TASP1: variants seen among roughly 807,000 people sequenced by gnomAD.
TASP1 encodes threonine aspartase 1.
In TASP1, 16 loss-of-function variants were observed where a neutral mutation model predicts 56.6. The observed-to-expected ratio is 0.28, with a 90% CI of 0.19 to 0.43. TASP1 has a LOEUF of 0.43. Among genes scored for constraint, TASP1 ranks in the 20% least tolerant of loss-of-function variants. The pLI, the probability that TASP1 is intolerant of heterozygous loss-of-function variation, is 1.00. For synonymous variants in TASP1, 179 were observed against 184.2 expected (o/e 0.97, Z 0.23); for missense variants, 393 against 511.6 (o/e 0.77, Z 2.24).
the TASP1 span, among the ~76,000 whole-genome samples, chr20:13,142,449 A>T: frequency 2.0e-5 from 3 of 152,170 alleles, no homozygotes; most frequent in Non-Finnish European, 4.4e-5. Context: ...GTAAAGGGGA[A>T]CTGGTATTCC....
chr20:13,343,598 C>T, the TASP1 span, among the ~76,000 whole-genome samples: 3 of 150,730 alleles, frequency 2.0e-5, no homozygotes, highest in South Asian at 6.4e-4. Context: ...GCCCCCGCCC[C>T]CACTGTGGTT....
the TASP1 span, among the ~76,000 whole-genome samples, chr20:13,376,233 A>G: frequency 2.6e-5 from 4 of 152,162 alleles, no homozygotes; most frequent in African/African-American, 9.7e-5. Context: ...TGTATAATCC[A>G]TCTTGAGTTA....
At chr20:13,158,116 CT>C in the TASP1 span, among the ~76,000 whole-genome samples, 1 of 152,080 alleles carries the variant, frequency 6.6e-6, no homozygotes, top group Non-Finnish European at 1.5e-5. Flanking sequence ...ATTTTTTCCC[CT>C]GTTCATGTAA....
At chr20:13,141,577 A>C in the TASP1 span, among the ~76,000 whole-genome samples, 30 of 152,192 alleles carry the variant, frequency 2.0e-4, no homozygotes, top group African/African-American at 7.2e-4. Context: ...TCTACAAAAA[A>C]TTCCGCCCAA....
intron 8 of TASP1, among the ~76,000 whole-genome samples, chr20:13,544,630 C>T (rs770846554): frequency 1.4e-4 from 21 of 152,202 alleles, no homozygotes; most frequent in Admixed American, 3.9e-4. Flanking sequence ...TAAGACCTTG[C>T]TAATTATTAA....
At position 13,521,438 on chromosome 20, in the gene TASP1, G is replaced by A. The variant is rs894945547; in HGVS notation, c.874+6995C>T. Among the ~76,000 whole-genome samples the A allele has an allele frequency of 4.2e-3, 633 of 152,234 alleles. 3 individuals are homozygous for A. Among genetic ancestry groups the A allele is most frequent in the Non-Finnish European group, 4.1e-3 (280 of 68,018 alleles). ...GCACATATACACCATGGAATACTAT[G>A]CAGCCATAAAAAAGGATGAGTTCAT... On this transcript the variant is annotated intron_variant, in intron 10 of 13. Transcript: ENST00000337743.
At chr20:13,638,526 A>G (rs1018503766) in intron 1 of TASP1, among the ~76,000 whole-genome samples, 15 of 152,092 alleles carry the variant, frequency 9.9e-5, no homozygotes, top group Admixed American at 2.0e-4. Context: ...CACCCAGGAC[A>G]AGGCGCACAT....
intron 13 of TASP1, among the ~76,000 whole-genome samples, chr20:13,402,888 A>G (rs968002488): frequency 1.3e-5 from 2 of 152,236 alleles, no homozygotes; most frequent in Admixed American, 1.3e-4. Context: ...CCTGTAATCA[A>G]GGTTCACACA....
the TASP1 span, among the ~76,000 whole-genome samples, chr20:13,306,715 C>T: frequency 7.6e-4 from 115 of 152,046 alleles, no homozygotes; most frequent in African/African-American, 2.6e-3. Context: ...AGACTCATAC[C>T]ACTGACTTGA....
the TASP1 span, among the ~76,000 whole-genome samples, chr20:13,247,791 A>AAGGTCAGTGAAGT: frequency 6.6e-6 from 1 of 152,140 alleles, no homozygotes; most frequent in Admixed American, 6.5e-5. Flanking sequence ...GTATTGACAT[A>AAGGTCAGTGAAGT]AGGTAGTGAA....
chr20:13,235,399 G>A, the TASP1 span, among the ~76,000 whole-genome samples: 1 of 152,196 alleles, frequency 6.6e-6, no homozygotes, highest in Non-Finnish European at 1.5e-5. Flanking sequence ...CCTCAGTTAA[G>A]TCTCTGCCCC....
At position 13,421,098 on chromosome 20, in the gene TASP1, C is replaced by T. The variant is rs1270109808; in HGVS notation, c.1097-3577G>A. On this transcript the variant is annotated intron_variant, in intron 12 of 13. Coordinates refer to ENST00000337743, the MANE Select transcript of TASP1 (RefSeq NM_017714.3). ...TTGACTAGTTAAAAAGTATTTATAGCGTTTTCCTTCTTTTTTTTTTTTTTT... is the reference window on the plus strand; with the variant it reads ...TTGACTAGTTAAAAAGTATTTATAGTGTTTTCCTTCTTTTTTTTTTTTTTT... 5.5e-5 allele frequency among the ~76,000 whole-genome samples: 8 copies of T among 144,564 alleles called. No individual in the cohort carries two copies. In the South Asian group the frequency reaches 1.1e-3, roughly 20 times the overall value. The allele number at this position is 144,564 out of a possible 152,430, so 94.8% of individuals were successfully genotyped here.
chr20:13,471,455 C>T (rs2044488055), intron 11 of TASP1, among the ~76,000 whole-genome samples: 1 of 152,038 alleles, frequency 6.6e-6, no homozygotes, highest in Admixed American at 6.5e-5. Context: ...GCATGTAATT[C>T]CATGTCCTTC....
In TASP1 at chr20:13,441,575, G is replaced by A. The variant is rs961228981; in HGVS notation, c.986-6421C>T. Among the ~76,000 whole-genome samples the A allele has an allele frequency of 2.0e-5, 3 of 152,322 alleles. No individual in the cohort carries two copies. The South Asian group carries it at 6.2e-4, about 32-fold the overall frequency. Reference sequence around the variant, plus strand: ...AGCAAATGCAGAGACTCTGAGGTGAGGGAGGGTCAGGGAAGAGAGGATAGA... The same window carrying A: ...AGCAAATGCAGAGACTCTGAGGTGAAGGAGGGTCAGGGAAGAGAGGATAGA... On this transcript the variant is annotated intron_variant, in intron 11 of 13. Coordinates refer to ENST00000337743, the MANE Select transcript of TASP1 (RefSeq NM_017714.3).
At chr20:13,148,179 A>G in the TASP1 span, among the ~76,000 whole-genome samples, 1 of 152,164 alleles carries the variant, frequency 6.6e-6, no homozygotes, top group Non-Finnish European at 1.5e-5. Context: ...GCCACTGATC[A>G]TTGTTTTTAT....
chr20:13,553,038 C>T (rs1022981418), intron 8 of TASP1, among the ~76,000 whole-genome samples: 2 of 152,104 alleles, frequency 1.3e-5, no homozygotes, highest in African/African-American at 4.8e-5. Flanking sequence ...TGGGCTCAAG[C>T]TATCCTCCCA....
chr20:13,514,291 GAACCAGTAA>G (rs1385328487), intron 10 of TASP1, among the ~76,000 whole-genome samples: 1 of 151,998 alleles, frequency 6.6e-6, no homozygotes, highest in Non-Finnish European at 1.5e-5. Flanking sequence ...AAATTTTGAA[GAACCAGTAA>G]AACATTCTAG....
intron 4 of TASP1, among the ~76,000 whole-genome samples, chr20:13,591,665 T>G (rs1243945953): frequency 6.6e-6 from 1 of 152,162 alleles, no homozygotes; most frequent in African/African-American, 2.4e-5. Flanking sequence ...ATACTCTAAA[T>G]AAGTGGGAAG....
chr20:13,611,442 A>AT (rs1460018279), intron 4 of TASP1, among the ~76,000 whole-genome samples: 4 of 152,292 alleles, frequency 2.6e-5, no homozygotes, highest in East Asian at 1.9e-4. Context: ...TCAATGAGGA[A>AT]TTTTTTTGAA....
Sources: gnomAD v4.1 joint callset for allele counts (sites outside exome capture counted in the v4.1 genomes callset) on GRCh38, gnomAD v4.1.1 for gene constraint, MANE v1.5 for transcripts, NCBI Gene and HGNC (gene_info 2026-07-23, HGNC 2026-07-21) for gene names.